ANKRD30B: variants seen among roughly 807,000 people sequenced by gnomAD.
The protein encoded by ANKRD30B is ankyrin repeat domain-containing protein 30B.
In ANKRD30B, 144 loss-of-function variants were observed where a neutral mutation model predicts 202.2. That is an observed-to-expected ratio of 0.71 (90% CI 0.62 to 0.82). The LOEUF (loss-of-function observed/expected upper bound fraction) is 0.82. Among genes scored for constraint, ANKRD30B ranks in the 40% least tolerant of loss-of-function variants. The pLI, the probability that ANKRD30B is intolerant of heterozygous loss-of-function variation, is 0.00. For synonymous variants in ANKRD30B, 508 were observed against 561.3 expected, an observed-to-expected ratio of 0.91 and a Z score of 1.34; for missense variants, 1,487 against 1,669.1, an observed-to-expected ratio of 0.89 and a Z score of 1.90.
chr18:14,892,742 C>CAAAAAAAAAAA, the ANKRD30B span, among the ~76,000 whole-genome samples: 9 of 72,888 alleles, frequency 1.2e-4, no homozygotes, highest in Non-Finnish European at 1.9e-4. Flanking sequence ...TCTGTTTCAC[C>CAAAAAAAAAAA]AAAAAAAAAA....
At position 14,819,843 on chromosome 18, in the gene ANKRD30B, C is replaced by T. The variant is rs1264742310; in HGVS notation, c.2642-2640C>T. Among the ~76,000 whole-genome samples, 10 of 152,054 alleles carry T rather than the reference C, an allele frequency of 6.6e-5. No individual in the cohort carries two copies. The South Asian group carries it at 8.3e-4, about 13-fold the overall frequency. On this transcript the variant is annotated intron_variant, in intron 30 of 43. Coordinates refer to ENST00000690538, the MANE Select transcript of ANKRD30B (RefSeq NM_001367607.2). ...TTGGCTTAGGATTGACTTGGCGACA[C>T]GGGCTCATTTTTGGTTCCATATGAA...
At chr18:14,757,794 G>C in intron 4 of ANKRD30B, 21 bp from the exon 5 acceptor site, 1 of 1,608,188 alleles carries the variant, frequency 6.2e-7, no homozygotes, top group South Asian at 1.1e-5. Flanking sequence ...CTCATAATAA[G>C]TTATCTCTTT....
intron 24 of ANKRD30B, among the ~76,000 whole-genome samples, chr18:14,805,419 C>T (rs1969449597): frequency 6.6e-6 from 1 of 150,842 alleles, no homozygotes; most frequent in Non-Finnish European, 1.5e-5. Context: ...GTACATCTTC[C>T]TCCATCAGTG....
chr18:14,932,406 G>A, the ANKRD30B span, among the ~76,000 whole-genome samples: 2 of 152,004 alleles, frequency 1.3e-5, no homozygotes, highest in Admixed American at 1.3e-4. Context: ...GCGCGATCTC[G>A]GCTCACTGCA....
intron 22 of ANKRD30B, among the ~76,000 whole-genome samples, chr18:14,800,616 G>A (rs1318507196): frequency 2.0e-5 from 3 of 149,380 alleles, no homozygotes; most frequent in South Asian, 2.1e-4. Context: ...GAGCCACCGC[G>A]CCCGGCCCAG....
chr18:14,785,014 TTGTGTG>T (rs890380567), intron 14 of ANKRD30B, among the ~76,000 whole-genome samples: 11 of 151,552 alleles, frequency 7.3e-5, no homozygotes, highest in Admixed American at 7.2e-4. Context: ...GTGTTTGTGT[TTGTGTG>T]TGTGTGTGTC....
chr18:14,926,181 A>G, the ANKRD30B span, among the ~76,000 whole-genome samples: 1 of 152,170 alleles, frequency 6.6e-6, no homozygotes, highest in East Asian at 1.9e-4. Context: ...GTAATTACCT[A>G]TGAGCCCAGG....
the ANKRD30B span, among the ~76,000 whole-genome samples, chr18:14,939,362 G>A: frequency 6.6e-6 from 1 of 152,182 alleles, no homozygotes; most frequent in South Asian, 2.1e-4. Flanking sequence ...ATTCCCCAGT[G>A]GCTCAGGGGC....
chr18:14,844,331 C>T (rs1213008075), intron 39 of ANKRD30B, among the ~76,000 whole-genome samples: 1 of 152,198 alleles, frequency 6.6e-6, no homozygotes, highest in African/African-American at 2.4e-5. Flanking sequence ...GTACAATCTT[C>T]TACTTTAATA....
the ANKRD30B span, among the ~76,000 whole-genome samples, chr18:14,869,808 T>G: frequency 3.9e-5 from 6 of 152,100 alleles, no homozygotes; most frequent in Non-Finnish European, 8.8e-5. Context: ...AACTATCATT[T>G]GAAAAATGTT....
chr18:14,821,458 G>T (rs552660347), intron 30 of ANKRD30B, among the ~76,000 whole-genome samples: 30 of 151,928 alleles, frequency 2.0e-4, no homozygotes, highest in Non-Finnish European at 3.4e-4. Flanking sequence ...GTGATGTTAG[G>T]GTGTTTTTTC....
chr18:14,921,877 A>G, the ANKRD30B span, among the ~76,000 whole-genome samples: 85,035 of 151,568 alleles, frequency 0.56, 24,791 homozygotes, highest in African/African-American at 0.73. Context: ...TAAGGGAAAA[A>G]GGGGAGACAG....
the ANKRD30B span, chr18:14,883,383 C>G: frequency 2.3e-4 from 22 of 95,938 alleles, no homozygotes; most frequent in South Asian, 2.9e-3. Flanking sequence ...CTCTCTCTCT[C>G]TCTCTCTCTC....
chr18:14,845,482 T>TA (rs1481865358), intron 39 of ANKRD30B, among the ~76,000 whole-genome samples: 1 of 151,842 alleles, frequency 6.6e-6, no homozygotes, highest in Non-Finnish European at 1.5e-5. Context: ...CTTGTATTTT[T>TA]AAGTATCTGT....
At position 14,804,602 on chromosome 18, in the gene ANKRD30B, G is replaced by C. The variant is rs955836590; in HGVS notation, c.2284+778G>C. Among the ~76,000 whole-genome samples the C allele has an allele frequency of 3.3e-5, 5 of 150,536 alleles. No homozygotes were observed. The East Asian group carries it at 5.8e-4, about 18-fold the overall frequency. On this transcript the variant is annotated intron_variant, in intron 24 of 43. Transcript: ENST00000690538. ...GTAGCAAGATGAGAGACCTTTGTGG[G>C]AAAAAATGTGGAAGAAGGGCCATTG...
chr18:14,907,742 C>T, the ANKRD30B span, among the ~76,000 whole-genome samples: 1 of 152,152 alleles, frequency 6.6e-6, no homozygotes, highest in Non-Finnish European at 1.5e-5. Context: ...AGCGTCCTGG[C>T]AGGATTCTCA....
intron 7 of ANKRD30B, among the ~76,000 whole-genome samples, chr18:14,767,854 T>A (rs1335282518): frequency 1.3e-5 from 2 of 152,180 alleles, no homozygotes; most frequent in African/African-American, 2.4e-5. Context: ...CATTTAATAT[T>A]TTTGGACTAT....
the ANKRD30B span, among the ~76,000 whole-genome samples, chr18:14,872,400 A>G: frequency 6.6e-6 from 1 of 152,222 alleles, no homozygotes. Flanking sequence ...ATCTTTGCAA[A>G]TAAGAATTCA....
At chr18:14,757,991 G>A in intron 5 of ANKRD30B, 39 bp downstream of exon 5, 1 of 1,538,958 alleles carries the variant, frequency 6.5e-7, no homozygotes, top group South Asian at 1.2e-5. Flanking sequence ...AAATTTTATT[G>A]TTTGTTTCAG....
Sources: gnomAD v4.1 joint callset for allele counts (sites outside exome capture counted in the v4.1 genomes callset) on GRCh38, gnomAD v4.1.1 for gene constraint, MANE v1.5 for transcripts, NCBI Gene and HGNC (gene_info 2026-07-23, HGNC 2026-07-21) for gene names.